The following SLC44A5 variants were observed in gnomAD, a reference collection of about 807,000 sequenced individuals.
The protein encoded by SLC44A5 is solute carrier family 44 member 5, also known as choline transporter-like protein 5.
A neutral mutation model predicts 101.8 loss-of-function variants in SLC44A5; 57 were observed. The ratio of observed to expected loss-of-function variants is 0.56; its 90% CI spans 0.45 to 0.70. The LOEUF (loss-of-function observed/expected upper bound fraction) is 0.70. Ranked by LOEUF, SLC44A5 falls within the 30% of genes least tolerant of loss-of-function variation. SLC44A5 has a pLI of 0.00. For synonymous variants in SLC44A5, 281 were observed against 290.9 expected (o/e 0.97, Z 0.35); for missense variants, 737 against 853.1 (o/e 0.86, Z 1.70).
At chr1:75,330,636 A>G (rs1279568378) in intron 4 of SLC44A5, among the ~76,000 whole-genome samples, 1 of 151,986 alleles carries the variant, frequency 6.6e-6, no homozygotes, top group Non-Finnish European at 1.5e-5. Flanking sequence ...ACCATGTTCT[A>G]GTGTCTCCCA....
chr1:75,563,510 T>C (rs1374777282), intron 1 of SLC44A5, among the ~76,000 whole-genome samples: 1 of 151,956 alleles, frequency 6.6e-6, no homozygotes, highest in African/African-American at 2.4e-5. Flanking sequence ...TTTAATGCCA[T>C]TTAGAAAAAT....
chr1:75,499,365 C>G (rs532857280), intron 2 of SLC44A5, among the ~76,000 whole-genome samples: 1 of 152,298 alleles, frequency 6.6e-6, no homozygotes, highest in South Asian at 2.1e-4. Flanking sequence ...GGTTTGTGCT[C>G]CTATGAGAAT....
the SLC44A5 span, among the ~76,000 whole-genome samples, chr1:75,678,642 T>C: frequency 6.7e-6 from 1 of 149,088 alleles, no homozygotes; most frequent in African/African-American, 2.5e-5. Context: ...CAAAAGTAGA[T>C]AAAACCACAA....
At chr1:75,445,430 A>AT (rs1206080280) in intron 2 of SLC44A5, among the ~76,000 whole-genome samples, 1 of 136,464 alleles carries the variant, frequency 7.3e-6, no homozygotes, top group African/African-American at 2.8e-5. Flanking sequence ...AGCCTCAGAT[A>AT]TTTTTTGTGG....
intron 4 of SLC44A5, among the ~76,000 whole-genome samples, chr1:75,324,944 T>A (rs548127996): frequency 6.0e-4 from 92 of 152,342 alleles, no homozygotes; most frequent in African/African-American, 2.2e-3. Context: ...CACTATTTTT[T>A]AATCAAGCAA....
At chr1:75,220,088 A>G (rs765647439) in intron 14 of SLC44A5, among the ~76,000 whole-genome samples, 196 bp from the exon 15 acceptor site, 6 of 152,070 alleles carry the variant, frequency 3.9e-5, no homozygotes, top group Non-Finnish European at 7.4e-5. Context: ...TCCGATGCAC[A>G]TGTTAGACTC....
At chr1:75,600,856 G>A (rs1348141519) in intron 1 of SLC44A5, among the ~76,000 whole-genome samples, 1 of 152,096 alleles carries the variant, frequency 6.6e-6, no homozygotes, top group Non-Finnish European at 1.5e-5. Context: ...GTTTCTATAA[G>A]TACATTCTAC....
the SLC44A5 span, among the ~76,000 whole-genome samples, chr1:75,722,805 G>A: frequency 6.6e-6 from 1 of 152,212 alleles, no homozygotes; most frequent in African/African-American, 2.4e-5. Context: ...AGCAGTAACA[G>A]TAGTAACTGC....
intron 5 of SLC44A5, among the ~76,000 whole-genome samples, chr1:75,284,411 TG>T (rs1256809336): frequency 6.6e-6 from 1 of 152,090 alleles, no homozygotes; most frequent in Non-Finnish European, 1.5e-5. Flanking sequence ...GCTTTTTGGA[TG>T]AGTCTTTAGG....
chr1:75,723,824 A>C, the SLC44A5 span: 2 of 152,226 alleles, frequency 1.3e-5, no homozygotes, highest in African/African-American at 2.4e-5. Flanking sequence ...CAGAAGACAA[A>C]GTAGGGGAAT....
At chr1:75,566,003 C>T (rs1220232856) in intron 1 of SLC44A5, among the ~76,000 whole-genome samples, 1 of 152,168 alleles carries the variant, frequency 6.6e-6, no homozygotes, top group Non-Finnish European at 1.5e-5. Context: ...GAAAACACTG[C>T]TGTCTTTAAA....
the SLC44A5 span, among the ~76,000 whole-genome samples, chr1:75,679,951 G>T: frequency 6.6e-6 from 1 of 152,122 alleles, no homozygotes; most frequent in South Asian, 2.1e-4. Context: ...AAAGAAGGCA[G>T]GGGTTGCAAT....
intron 13 of SLC44A5, among the ~76,000 whole-genome samples, chr1:75,223,037 T>G (rs1647121081): frequency 6.6e-6 from 1 of 152,242 alleles, no homozygotes; most frequent in Non-Finnish European, 1.5e-5. Context: ...TCAACTTGAT[T>G]TATTTAGTCT....
chr1:75,423,556 A>C (rs552548173), intron 2 of SLC44A5, among the ~76,000 whole-genome samples: 28 of 152,338 alleles, frequency 1.8e-4, no homozygotes, highest in Non-Finnish European at 3.5e-4. Context: ...CTTTCGCATC[A>C]TATTTTGCTA....
intron 6 of SLC44A5, among the ~76,000 whole-genome samples, chr1:75,262,294 G>C (rs777124618): frequency 6.6e-6 from 1 of 152,088 alleles, no homozygotes; most frequent in Non-Finnish European, 1.5e-5. Flanking sequence ...AAAGTCTCAG[G>C]ATACAAAATC....
chr1:75,251,327 AC>A, intron 6 of SLC44A5, 33 bp from the exon 7 acceptor site: 1 of 1,550,472 alleles, frequency 6.4e-7, no homozygotes, highest in African/African-American at 1.4e-5. Context: ...CTTTTTAGTG[AC>A]CATGGAAATG....
the SLC44A5 span, among the ~76,000 whole-genome samples, chr1:75,687,128 G>A: frequency 1.0e-3 from 152 of 152,230 alleles, no homozygotes; most frequent in African/African-American, 3.5e-3. Context: ...AAGACTGACT[G>A]AACCCAGATT....
intron 2 of SLC44A5, among the ~76,000 whole-genome samples, chr1:75,535,086 T>C (rs1670923556): frequency 6.6e-6 from 1 of 151,960 alleles, no homozygotes; most frequent in African/African-American, 2.4e-5. Context: ...TTTTTTTTTT[T>C]TTTAAAGAAA....
At chr1:75,581,539 T>C (rs933621201) in intron 1 of SLC44A5, among the ~76,000 whole-genome samples, 1 of 152,210 alleles carries the variant, frequency 6.6e-6, no homozygotes, top group Non-Finnish European at 1.5e-5. Flanking sequence ...TGAAAACTCT[T>C]CTATGATAAT....
Sources: gnomAD v4.1 joint callset for allele counts (sites outside exome capture counted in the v4.1 genomes callset) on GRCh38, gnomAD v4.1.1 for gene constraint, MANE v1.5 for transcripts, NCBI Gene and HGNC (gene_info 2026-07-23, HGNC 2026-07-21) for gene names.